SEMA4F: variants seen among roughly 807,000 people sequenced by gnomAD.
SEMA4F encodes ssemaphorin 4F.
A neutral mutation model predicts 78.4 loss-of-function variants in SEMA4F; 51 were observed. The observed-to-expected ratio is 0.65, with a 90% CI of 0.52 to 0.82. SEMA4F has a LOEUF of 0.82. Ranked by LOEUF, SEMA4F falls within the 40% of genes least tolerant of loss-of-function variation. The pLI is 0.00. For synonymous variants in SEMA4F, 418 were observed against 408.7 expected (o/e 1.02, Z -0.27); for missense variants, 938 against 1,014.4 (o/e 0.92, Z 1.02).
chr2:74,688,380 C>A (rs1422853659), downstream of SEMA4F, among the ~76,000 whole-genome samples: 2 of 151,936 alleles, frequency 1.3e-5, no homozygotes, highest in African/African-American at 2.4e-5. Flanking sequence ...AATTAAAACA[C>A]CACATTAAAA....
intron 12 of SEMA4F, among the ~76,000 whole-genome samples, chr2:74,676,811 A>G (rs908258534): frequency 1.3e-5 from 2 of 152,196 alleles, no homozygotes; most frequent in African/African-American, 4.8e-5. Context: ...GCTTAAAAGC[A>G]TATGTCACGT....
Position 74,674,662 on chromosome 2 carries a change from C to A in SEMA4F, c.987C>A (p.Ile329=). 1 of 1,613,942 alleles carries A rather than the reference C, an allele frequency of 6.2e-7. No homozygotes were observed. The highest frequency in any genetic ancestry group is 8.5e-7 in the Non-Finnish European group (1 of 1,179,966). ...CAGGGACTCCCATCTTTTATGGCAT[C>A]TTTTCTTCCCAGTGGTGAGGGGTCT... ...LGAGTPIFYG[I]FSSQWEGATI... Residue 329 remains isoleucine, a synonymous_variant, in exon 8 of 14, where the codon ATC becomes ATA. Transcript: ENST00000357877.
At chr2:74,657,736 C>A in intron 3 of SEMA4F, 112 bp downstream of exon 3, 2 of 1,382,986 alleles carry the variant, frequency 1.4e-6, no homozygotes, top group Non-Finnish European at 1.0e-6. Context: ...GAGACTCTAA[C>A]ACCATGCCAT....
the SEMA4F span, among the ~76,000 whole-genome samples, chr2:74,698,969 AT>A: frequency 4.8e-3 from 723 of 150,452 alleles, 6 homozygotes; most frequent in African/African-American, 0.013. Flanking sequence ...GTTTGAGGGA[AT>A]TTTTTTTTTC....
chr2:74,672,251 A>G (rs1685024988), intron 5 of SEMA4F, among the ~76,000 whole-genome samples: 1 of 151,900 alleles, frequency 6.6e-6, no homozygotes, highest in Non-Finnish European at 1.5e-5. Flanking sequence ...TACCCTCTTC[A>G]CTGGTTGCTT....
chr2:74,683,969 A>G (rs1256409196), downstream of SEMA4F: 1 of 152,168 alleles, frequency 6.6e-6, no homozygotes, highest in Non-Finnish European at 1.5e-5. Context: ...GTAGCTGTAA[A>G]TGGGGTGGAG....
the SEMA4F span, among the ~76,000 whole-genome samples, chr2:74,696,604 T>C: frequency 6.6e-6 from 1 of 152,174 alleles, no homozygotes; most frequent in Non-Finnish European, 1.5e-5. Flanking sequence ...AACTACCAGT[T>C]GGGTTCAGTG....
the SEMA4F span, among the ~76,000 whole-genome samples, chr2:74,690,069 A>G: frequency 6.6e-6 from 1 of 152,044 alleles, no homozygotes; most frequent in African/African-American, 2.4e-5. Context: ...CAAACCCCCT[A>G]GCACAAGCCT....
At chr2:74,704,017 A>G in the SEMA4F span, among the ~76,000 whole-genome samples, 2 of 152,098 alleles carry the variant, frequency 1.3e-5, no homozygotes, top group African/African-American at 4.8e-5. Context: ...CCCATTTTAG[A>G]TTAGACTGCA....
chr2:74,662,878 C>G (rs1443619663), intron 5 of SEMA4F, 53 bp downstream of exon 5: 2 of 1,407,738 alleles, frequency 1.4e-6, no homozygotes, highest in Non-Finnish European at 1.0e-6. Flanking sequence ...CCTCCTTCCC[C>G]ACCCTTGCTG....
At chr2:74,685,511 T>A (rs575904390), downstream of SEMA4F, among the ~76,000 whole-genome samples, 100 of 152,126 alleles carry the variant, frequency 6.6e-4, no homozygotes, top group African/African-American at 2.2e-3. Flanking sequence ...AGACAAGACT[T>A]CTTCTTTAGC....
At chr2:74,702,653 ATGCCACTTAC>A in the SEMA4F span, among the ~76,000 whole-genome samples, 193 of 152,278 alleles carry the variant, frequency 1.3e-3, 2 homozygotes, top group African/African-American at 4.5e-3. Flanking sequence ...GCCTGGGTCC[ATGCCACTTAC>A]TGCTTGTGAG....
At chr2:74,667,258 C>A (rs563875936) in intron 5 of SEMA4F, among the ~76,000 whole-genome samples, 4 of 152,268 alleles carry the variant, frequency 2.6e-5, no homozygotes, top group African/African-American at 9.6e-5. Context: ...CAGCAGGAAT[C>A]CTTTTACATA....
At position 74,680,767 on chromosome 2, in the gene SEMA4F, G is replaced by A. The variant is rs1303961795; in HGVS notation, c.*558G>A. ...GTGTAAATACATAGTGTTCATAAGA[G>A]ACCTGGCCACATGTGCATGAATGAC... On this transcript the variant is annotated 3_prime_UTR_variant, in exon 14 of 14. Transcript: ENST00000357877. The A allele has an allele frequency of 6.6e-6, 1 of 152,420 alleles. No homozygotes were observed. Among genetic ancestry groups the A allele is most frequent in the Non-Finnish European group, 1.5e-5 (1 of 68,318 alleles). 9.4% of individuals were successfully genotyped at this position (152,420 alleles called of 1,614,324 possible). A position where few individuals can be genotyped will look rare whatever the true frequency, so the allele number is the denominator to read the frequency against.
rs539627928 is a variant in SEMA4F at position 74,670,782 on chromosome 2, G to A, written c.551-2675G>A. Among the ~76,000 whole-genome samples the A allele has an allele frequency of 4.6e-5, 7 of 152,312 alleles. No individual in the cohort carries two copies. In the South Asian group the frequency reaches 8.3e-4, roughly 18 times the overall value. On this transcript the variant is annotated intron_variant, in intron 5 of 13. Coordinates refer to ENST00000357877, the MANE Select transcript of SEMA4F (RefSeq NM_004263.5). ...TTTTCCCCCCTTGGAAATACAGAGGGTTGGCTCATTTGCTGCTCCATTTTC... is the reference window on the plus strand; with the variant it reads ...TTTTCCCCCCTTGGAAATACAGAGGATTGGCTCATTTGCTGCTCCATTTTC...
chr2:74,671,568 C>T lies in SEMA4F; in HGVS notation c.551-1889C>T, dbSNP rs571697099. Among the ~76,000 whole-genome samples the T allele has an allele frequency of 2.7e-4, 41 of 152,310 alleles. 2 individuals are homozygous for T. The South Asian group carries it at 8.5e-3, about 32-fold the overall frequency. ...CTTAAATGAGAGTGCTCTCTTCTGG[C>T]TTTACCTTTTTCCTGGGCTATGACT... On this transcript the variant is annotated intron_variant, in intron 5 of 13. Transcript: ENST00000357877.
the SEMA4F span, among the ~76,000 whole-genome samples, chr2:74,700,223 T>C: frequency 6.6e-6 from 1 of 152,030 alleles, no homozygotes; most frequent in African/African-American, 2.4e-5. Context: ...AGAGCAGACA[T>C]CTCTGAAAGA....
chr2:74,691,926 T>A, the SEMA4F span, among the ~76,000 whole-genome samples: 1 of 152,220 alleles, frequency 6.6e-6, no homozygotes, highest in East Asian at 1.9e-4. Context: ...GCTCGGTCAC[T>A]CCATTGCTGC....
intron 5 of SEMA4F, among the ~76,000 whole-genome samples, chr2:74,664,555 T>C (rs1684587862): frequency 6.6e-6 from 1 of 152,198 alleles, no homozygotes; most frequent in Non-Finnish European, 1.5e-5. Flanking sequence ...ATTGAGTTTC[T>C]AGAAAGGGTA....
Sources: gnomAD v4.1 joint callset for allele counts (sites outside exome capture counted in the v4.1 genomes callset) on GRCh38, gnomAD v4.1.1 for gene constraint, MANE v1.5 for transcripts, NCBI Gene and HGNC (gene_info 2026-07-23, HGNC 2026-07-21) for gene names.